FAAH2: variants seen among roughly 807,000 people sequenced by gnomAD.
FAAH2 encodes the protein fatty acid amide hydrolase 2, also known as fatty-acid amide hydrolase 2.
FAAH2 carries 60 observed loss-of-function variants against 36.9 expected under a neutral mutation model. The observed-to-expected ratio is 1.63, with a 90% CI of 1.32 to 2.02. The LOEUF is 2.02. FAAH2 is among the 30% of genes most tolerant of loss of function. The pLI is 0.00. For synonymous variants in FAAH2, 214 were observed against 143.8 expected (o/e 1.49, Z -3.49); for missense variants, 689 against 397.5 (o/e 1.73, Z -6.23).
chrX:57,381,951 A>C (rs770096176), intron 7 of FAAH2, among the ~76,000 whole-genome samples: 21 of 111,861 alleles, frequency 1.9e-4, no homozygotes, highest in African/African-American at 6.5e-4. Flanking sequence ...CAAACGTAAA[A>C]GAACAGAAAT....
intron 10 of FAAH2, among the ~76,000 whole-genome samples, chrX:57,482,586 C>A (rs1394841499): frequency 9.1e-6 from 1 of 110,101 alleles, no homozygotes; most frequent in African/African-American, 3.3e-5. Context: ...CCTAACCAGT[C>A]CCTACGAGAT....
chrX:57,216,246 A>G, the FAAH2 span, among the ~76,000 whole-genome samples: 1 of 105,857 alleles, frequency 9.4e-6, no homozygotes, highest in Non-Finnish European at 1.9e-5. Flanking sequence ...ACTGCACCAT[A>G]TATGTTGTCT....
intron 4 of FAAH2, among the ~76,000 whole-genome samples, chrX:57,338,351 G>A (rs774327444): frequency 1.8e-5 from 2 of 111,720 alleles, no homozygotes; most frequent in Admixed American, 9.5e-5. Context: ...CTTAAGGCAA[G>A]GACCGACCAT....
At chrX:57,127,275 TA>T in the FAAH2 span, 1 of 111,167 alleles carries the variant, frequency 9.0e-6, no homozygotes, top group East Asian at 2.8e-4. Flanking sequence ...CTTCCAGACT[TA>T]AAAAATCCAG....
intron 7 of FAAH2, among the ~76,000 whole-genome samples, chrX:57,389,158 C>T (rs2055099517): frequency 9.6e-6 from 1 of 104,301 alleles, no homozygotes; most frequent in African/African-American, 3.5e-5. Context: ...TTGAGATTGT[C>T]TTCCAAAGTG....
the FAAH2 span, among the ~76,000 whole-genome samples, chrX:57,237,868 G>A: frequency 6.3e-5 from 7 of 110,569 alleles, no homozygotes; most frequent in African/African-American, 2.0e-4. Context: ...TCAAAAGAAG[G>A]CATACCTGTG....
intron 7 of FAAH2, among the ~76,000 whole-genome samples, chrX:57,415,631 T>A (rs1443173899): frequency 9.0e-6 from 1 of 111,124 alleles, no homozygotes; most frequent in Non-Finnish European, 1.9e-5. Context: ...TGTTGAGGAG[T>A]GTTTTACTTT....
At chrX:57,201,283 T>C in the FAAH2 span, among the ~76,000 whole-genome samples, 1 of 110,209 alleles carries the variant, frequency 9.1e-6, no homozygotes. Context: ...GCCTAATGTG[T>C]TGGTGGGCAC....
intron 5 of FAAH2, 26 bp downstream of exon 5, chrX:57,341,416 G>T (rs1487908565): frequency 8.4e-7 from 1 of 1,187,749 alleles, no homozygotes; most frequent in Non-Finnish European, 1.1e-6. Flanking sequence ...TCAGAAGGGT[G>T]GTTCTACTTT....
the FAAH2 span, among the ~76,000 whole-genome samples, chrX:57,266,250 G>A: frequency 4.5e-5 from 5 of 112,204 alleles, no homozygotes; most frequent in East Asian, 8.5e-4. Context: ...AGCTCTGAGA[G>A]GGAGGAGCAG....
intron 10 of FAAH2, among the ~76,000 whole-genome samples, chrX:57,462,757 G>A (rs1413791883): frequency 8.9e-6 from 1 of 112,303 alleles, no homozygotes; most frequent in Non-Finnish European, 1.9e-5. Flanking sequence ...ACAAGACAAG[G>A]ATGCCGTCTC....
chrX:57,335,597 A>G (rs889104498), intron 4 of FAAH2, among the ~76,000 whole-genome samples: 1 of 112,700 alleles, frequency 8.9e-6, no homozygotes, highest in East Asian at 2.8e-4. Context: ...TTACACCAAG[A>G]CATTCCATTG....
intron 5 of FAAH2, among the ~76,000 whole-genome samples, chrX:57,376,864 G>C (rs1170128963): frequency 8.9e-6 from 1 of 112,137 alleles, no homozygotes; most frequent in East Asian, 2.8e-4. Flanking sequence ...GGTGTGAGAT[G>C]GTATCTCATT....
At chrX:57,377,095 G>T (rs2054702571) in intron 5 of FAAH2, among the ~76,000 whole-genome samples, 1 of 112,170 alleles carries the variant, frequency 8.9e-6, no homozygotes, top group African/African-American at 3.2e-5. Flanking sequence ...CTCCTATTCT[G>T]TAGGTTGCCT....
At chrX:57,162,698 G>C in the FAAH2 span, among the ~76,000 whole-genome samples, 2 of 111,905 alleles carry the variant, frequency 1.8e-5, no homozygotes, top group African/African-American at 6.5e-5. Flanking sequence ...TTGAGCCTTG[G>C]TTTTCAGCTC....
At chrX:57,440,728 G>T (rs2056532446) in intron 8 of FAAH2, among the ~76,000 whole-genome samples, 1 of 111,613 alleles carries the variant, frequency 9.0e-6, no homozygotes, top group African/African-American at 3.3e-5. Flanking sequence ...ATATGACATT[G>T]GCTTTGGGTT....
At chrX:57,244,994 G>A in the FAAH2 span, among the ~76,000 whole-genome samples, 2 of 111,149 alleles carry the variant, frequency 1.8e-5, no homozygotes, top group East Asian at 2.8e-4. Context: ...CATCTCACAT[G>A]CAAAGAAACA....
intron 5 of FAAH2, among the ~76,000 whole-genome samples, chrX:57,374,290 G>A (rs896564631): frequency 9.0e-6 from 1 of 111,477 alleles, no homozygotes; most frequent in South Asian, 3.7e-4. Context: ...TGTATTTGTA[G>A]GTTGCTTTTG....
intron 8 of FAAH2, among the ~76,000 whole-genome samples, chrX:57,434,758 G>A (rs985393761): frequency 1.8e-5 from 2 of 111,422 alleles, no homozygotes; most frequent in African/African-American, 3.3e-5. Context: ...TGTAGCAAGA[G>A]ATTTAGACAT....
Sources: allele counts gnomAD v4.1 joint callset (sites outside exome capture counted in the v4.1 genomes callset), GRCh38; gene constraint gnomAD v4.1.1; transcripts MANE v1.5; gene names NCBI Gene and HGNC (gene_info 2026-07-23, HGNC 2026-07-21).